DRC8: variants seen among roughly 807,000 people sequenced by gnomAD.
DRC8 encodes dynein regulatory complex protein 8.
chr1:245,043,925 A>G, the DRC8 span: 1 of 152,380 alleles, frequency 6.6e-6, no homozygotes, highest in East Asian at 1.9e-4. Context: ...TTAAAAAACA[A>G]GGGTGCTTTC....
At chr1:245,048,018 C>G in the DRC8 span, among the ~76,000 whole-genome samples, 2 of 151,254 alleles carry the variant, frequency 1.3e-5, no homozygotes, top group African/African-American at 4.9e-5. Context: ...ATTTACTCCT[C>G]CTTAAGAGGA....
chr1:244,971,399 T>C, the DRC8 span, among the ~76,000 whole-genome samples: 3 of 152,204 alleles, frequency 2.0e-5, no homozygotes, highest in Non-Finnish European at 4.4e-5. Flanking sequence ...CATCGATGTG[T>C]TGTCTGTGCG....
chr1:245,043,137 G>C, the DRC8 span, among the ~76,000 whole-genome samples: 9 of 152,186 alleles, frequency 5.9e-5, no homozygotes, highest in African/African-American at 2.2e-4. Flanking sequence ...GTTGACAAAA[G>C]AAATCGAATG....
At chr1:245,092,691 C>T in the DRC8 span, among the ~76,000 whole-genome samples, 4 of 152,176 alleles carry the variant, frequency 2.6e-5, no homozygotes, top group East Asian at 1.9e-4. Context: ...TCCTTATGCA[C>T]GCTTGTGTGT....
the DRC8 span, among the ~76,000 whole-genome samples, chr1:245,008,337 A>G: frequency 6.6e-6 from 1 of 152,218 alleles, no homozygotes; most frequent in Non-Finnish European, 1.5e-5. Flanking sequence ...ATGTAAAAAA[A>G]TTTATAAGAA....
the DRC8 span, among the ~76,000 whole-genome samples, chr1:244,987,847 G>A: frequency 6.6e-6 from 1 of 151,992 alleles, no homozygotes; most frequent in Non-Finnish European, 1.5e-5. Flanking sequence ...GGGATTTTGA[G>A]TATCTAATTA....
At chr1:244,970,641 G>GCCTCTCTC in the DRC8 span, 7 of 91,590 alleles carry the variant, frequency 7.6e-5, no homozygotes, top group South Asian at 1.6e-3. Flanking sequence ...CCGCCGCTCC[G>GCCTCTCTC]CCCCGCCCCG....
chr1:244,997,024 C>T, the DRC8 span, among the ~76,000 whole-genome samples: 20 of 151,996 alleles, frequency 1.3e-4, no homozygotes, highest in Admixed American at 7.2e-4. Context: ...ATACCTAATA[C>T]AATGTAAATG....
the DRC8 span, among the ~76,000 whole-genome samples, chr1:245,060,265 C>T: frequency 6.6e-6 from 1 of 152,190 alleles, no homozygotes; most frequent in Non-Finnish European, 1.5e-5. Context: ...CACTTAACCC[C>T]TGTTGAGTGT....
the DRC8 span, among the ~76,000 whole-genome samples, chr1:244,976,536 A>G: frequency 6.6e-6 from 1 of 152,218 alleles, no homozygotes; most frequent in Admixed American, 6.6e-5. Context: ...TAAAATTTAC[A>G]GAAATGTCTC....
At chr1:244,974,339 G>C in the DRC8 span, among the ~76,000 whole-genome samples, 3 of 152,224 alleles carry the variant, frequency 2.0e-5, no homozygotes, top group Non-Finnish European at 4.4e-5. Flanking sequence ...ACTTTTGGCA[G>C]CCAGTGAGCT....
chr1:245,033,533 A>G, the DRC8 span, among the ~76,000 whole-genome samples: 12 of 152,222 alleles, frequency 7.9e-5, no homozygotes, highest in African/African-American at 2.4e-4. Context: ...ACAGCTAAGA[A>G]TCTTAAAAAA....
the DRC8 span, chr1:245,082,260 T>C: frequency 2.8e-6 from 3 of 1,084,476 alleles, no homozygotes; most frequent in Non-Finnish European, 4.1e-6. Flanking sequence ...TGTGTTATAC[T>C]CAAGCAGTGT....
the DRC8 span, among the ~76,000 whole-genome samples, chr1:245,115,328 G>A: frequency 2.6e-4 from 39 of 152,292 alleles, 1 homozygote; most frequent in African/African-American, 8.2e-4. Context: ...GATTACAGGC[G>A]TGAGCCACCC....
chr1:244,971,020 CTGTT>C, the DRC8 span: 3 of 157,330 alleles, frequency 1.9e-5, no homozygotes, highest in East Asian at 5.8e-4. Flanking sequence ...ACGGGATCCT[CTGTT>C]TGCGCCGAAA....
the DRC8 span, among the ~76,000 whole-genome samples, chr1:245,067,350 G>A: frequency 6.6e-6 from 1 of 152,038 alleles, no homozygotes; most frequent in Non-Finnish European, 1.5e-5. Context: ...TACTCATTTC[G>A]CTAAGTGAGG....
At chr1:245,092,794 T>A in the DRC8 span, among the ~76,000 whole-genome samples, 1 of 152,294 alleles carries the variant, frequency 6.6e-6, no homozygotes, top group South Asian at 2.1e-4. Flanking sequence ...GGCCCAGACA[T>A]TTAATATTGC....
At chr1:245,113,542 A>C in the DRC8 span, among the ~76,000 whole-genome samples, 1 of 152,220 alleles carries the variant, frequency 6.6e-6, no homozygotes, top group Non-Finnish European at 1.5e-5. Flanking sequence ...CCTGGGAAAA[A>C]GTGCCGTAGA....
the DRC8 span, chr1:244,970,299 C>A: frequency 1.0e-6 from 1 of 955,328 alleles, no homozygotes; most frequent in Non-Finnish European, 1.6e-6. Context: ...GGTCTTCCTC[C>A]CCCGGGATTC....
Sources: gnomAD v4.1 joint callset for allele counts (sites outside exome capture counted in the v4.1 genomes callset) on GRCh38, gnomAD v4.1.1 for gene constraint, MANE v1.5 for transcripts, NCBI Gene and HGNC (gene_info 2026-07-23, HGNC 2026-07-21) for gene names.